Variants in LRRC7 observed in about 807,000 individuals in gnomAD.
LRRC7 encodes the protein leucine-rich repeat-containing protein 7.
In LRRC7, 23 loss-of-function variants were observed where a neutral mutation model predicts 175.7. The observed-to-expected ratio is 0.13, with a 90% CI of 0.09 to 0.19. The LOEUF (loss-of-function observed/expected upper bound fraction) is 0.19, where lower values mean the gene tolerates loss of function less well. LRRC7 is among the 10% of genes least tolerant of loss of function. The pLI, the probability that LRRC7 is intolerant of heterozygous loss-of-function variation, is 1.00. For synonymous variants in LRRC7, 685 were observed against 680.9 expected (o/e 1.01, Z -0.09); for missense variants, 1,354 against 1,904.7 (o/e 0.71, Z 5.38).
At chr1:69,912,442 T>A (rs1462862575) in intron 7 of LRRC7, among the ~76,000 whole-genome samples, 4 of 152,216 alleles carry the variant, frequency 2.6e-5, no homozygotes, top group Non-Finnish European at 5.9e-5. Flanking sequence ...GGTTGCAATA[T>A]GTTCTAATGA....
chr1:69,796,386 T>A (rs1018270694), intron 4 of LRRC7, among the ~76,000 whole-genome samples: 4 of 152,002 alleles, frequency 2.6e-5, no homozygotes, highest in Non-Finnish European at 5.9e-5. Context: ...AGCTGGTTGC[T>A]TGTGACACAA....
intron 6 of LRRC7, among the ~76,000 whole-genome samples, chr1:69,836,447 A>T (rs1681115283): frequency 6.6e-6 from 1 of 152,004 alleles, no homozygotes; most frequent in African/African-American, 2.4e-5. Context: ...TTATCTTAAG[A>T]TACATTTTTT....
chr1:69,640,032 C>G (rs1653970029), intron 1 of LRRC7, among the ~76,000 whole-genome samples: 1 of 151,696 alleles, frequency 6.6e-6, no homozygotes. Flanking sequence ...TCTACTTGAT[C>G]TGAGGGTCTT....
chr1:69,771,117 G>T (rs921333361), intron 3 of LRRC7, among the ~76,000 whole-genome samples: 20 of 152,156 alleles, frequency 1.3e-4, no homozygotes, highest in Middle Eastern at 3.4e-3. Context: ...ATTTGACTCT[G>T]TTTAATCTCT....
chr1:69,886,263 T>C (rs968092589), intron 7 of LRRC7, among the ~76,000 whole-genome samples: 2 of 151,914 alleles, frequency 1.3e-5, no homozygotes, highest in African/African-American at 4.8e-5. Flanking sequence ...AGTCTCTTTG[T>C]AGGTCACTCA....
intron 7 of LRRC7, among the ~76,000 whole-genome samples, chr1:69,900,583 G>T (rs553141816): frequency 6.6e-6 from 1 of 151,964 alleles, no homozygotes; most frequent in African/African-American, 2.4e-5. Context: ...TTCTTCTAAG[G>T]TGCCAAATCA....
chr1:69,646,074 T>C (rs1283748139), intron 1 of LRRC7, among the ~76,000 whole-genome samples: 1 of 152,132 alleles, frequency 6.6e-6, no homozygotes, highest in African/African-American at 2.4e-5. Flanking sequence ...AAGATGTACA[T>C]AATGGCTAAT....
intron 2 of LRRC7, among the ~76,000 whole-genome samples, chr1:69,712,886 A>T: frequency 6.6e-6 from 1 of 152,158 alleles, no homozygotes; most frequent in South Asian, 2.1e-4. Flanking sequence ...AAGGGAAAAA[A>T]GCAAGTCTAT....
chr1:69,925,175 T>C (rs1389157779), intron 7 of LRRC7, among the ~76,000 whole-genome samples: 1 of 152,194 alleles, frequency 6.6e-6, no homozygotes, highest in African/African-American at 2.4e-5. Flanking sequence ...GGATAAGCTT[T>C]TTGATGTGCT....
At chr1:69,939,375 A>G (rs574970644) in intron 8 of LRRC7, among the ~76,000 whole-genome samples, 167 of 152,086 alleles carry the variant, frequency 1.1e-3, no homozygotes, top group African/African-American at 3.9e-3. Flanking sequence ...TGGAAAAACT[A>G]CACACTGGAA....
intron 1 of LRRC7, among the ~76,000 whole-genome samples, chr1:69,664,514 A>G (rs374087041): frequency 1.3e-5 from 2 of 152,158 alleles, no homozygotes; most frequent in East Asian, 3.9e-4. Context: ...CTGGGGTCAG[A>G]TGATATCTCA....
intron 1 of LRRC7, among the ~76,000 whole-genome samples, chr1:69,574,342 A>G (rs922362597): frequency 3.3e-5 from 5 of 152,256 alleles, no homozygotes; most frequent in African/African-American, 1.2e-4. Context: ...TATGGGACAA[A>G]CAATTGGAAA....
chr1:69,718,185 G>GAA (rs1331676303), intron 2 of LRRC7, among the ~76,000 whole-genome samples: 1 of 132,468 alleles, frequency 7.5e-6, no homozygotes, highest in African/African-American at 2.8e-5. Flanking sequence ...GAAAAGAAAA[G>GAA]AAAGAGAGAG....
intron 1 of LRRC7, among the ~76,000 whole-genome samples, chr1:69,603,094 G>C (rs867854807): frequency 6.6e-6 from 1 of 151,836 alleles, no homozygotes; most frequent in African/African-American, 2.4e-5. Flanking sequence ...CCAATTTCTA[G>C]CTCTGTCTTC....
intron 7 of LRRC7, among the ~76,000 whole-genome samples, chr1:69,922,761 A>G (rs148868143): frequency 2.6e-5 from 4 of 152,200 alleles, no homozygotes; most frequent in African/African-American, 9.6e-5. Flanking sequence ...GCAATTGGTC[A>G]TAGCATCCAC....
chr1:70,062,722 G>T (rs1661677968), intron 23 of LRRC7, among the ~76,000 whole-genome samples: 1 of 151,930 alleles, frequency 6.6e-6, no homozygotes, highest in South Asian at 2.1e-4. Flanking sequence ...AAAAATCAAT[G>T]AAATAATTTA....
intron 3 of LRRC7, among the ~76,000 whole-genome samples, chr1:69,778,914 A>G (rs1673137254): frequency 6.7e-6 from 1 of 148,994 alleles, no homozygotes; most frequent in African/African-American, 2.5e-5. Flanking sequence ...ATACACACAC[A>G]TACACACACA....
chr1:70,087,497 A>G (rs1663702259), intron 24 of LRRC7, among the ~76,000 whole-genome samples: 1 of 152,182 alleles, frequency 6.6e-6, no homozygotes, highest in Admixed American at 6.5e-5. Context: ...TTTCTAATTA[A>G]TAAATAATAA....
At chr1:70,048,838 T>C (rs571398616) in intron 22 of LRRC7, among the ~76,000 whole-genome samples, 261 of 152,144 alleles carry the variant, frequency 1.7e-3, no homozygotes, top group African/African-American at 6.1e-3. Context: ...AGTGAAAGGC[T>C]TAAGGTTATG....
Sources: gnomAD v4.1 joint callset for allele counts (sites outside exome capture counted in the v4.1 genomes callset) on GRCh38, gnomAD v4.1.1 for gene constraint, MANE v1.5 for transcripts, NCBI Gene and HGNC (gene_info 2026-07-23, HGNC 2026-07-21) for gene names.